Variants in PRMT2 observed in about 807,000 individuals in gnomAD.
PRMT2 encodes the protein protein arginine methyltransferase 2.
A neutral mutation model predicts 57.6 loss-of-function variants in PRMT2; 26 were observed. The observed-to-expected ratio is 0.45, with a 90% confidence interval of 0.33 to 0.63. The LOEUF (loss-of-function observed/expected upper bound fraction) is 0.63, where lower values mean the gene tolerates loss of function less well. Among genes scored for constraint, PRMT2 ranks in the 20% least tolerant of loss-of-function variants. The pLI, the probability that PRMT2 is intolerant of heterozygous loss-of-function variation, is 0.02. For synonymous variants in PRMT2, 219 were observed against 220.0 expected, an observed-to-expected ratio of 1.00 and a Z score of 0.04; for missense variants, 472 against 564.4, an observed-to-expected ratio of 0.84 and a Z score of 1.66.
intron 7 of PRMT2, chr21:46,651,790 C>T: frequency 6.2e-7 from 1 of 1,612,754 alleles, no homozygotes; most frequent in South Asian, 1.1e-5. Context: ...TACCCACCTT[C>T]ACTTTCCGTC....
chr21:46,659,429 A>T (rs1048867807), intron 8 of PRMT2: 2 of 985,632 alleles, frequency 2.0e-6, no homozygotes, highest in African/African-American at 3.5e-5. Flanking sequence ...ACAAGTAATT[A>T]GAGAAATCAC....
At chr21:46,656,917 A>G (rs1394746214) in intron 7 of PRMT2, 2 of 152,242 alleles carry the variant, frequency 1.3e-5, no homozygotes, top group African/African-American at 2.4e-5. Context: ...TGCAAAGAAC[A>G]TATCCAGTGT....
At position 46,648,323 on chromosome 21, in the gene PRMT2, C is replaced by T. The variant is rs1315509724; in HGVS notation, c.328-135C>T. 7 of 838,706 alleles carry T rather than the reference C, an allele frequency of 8.3e-6. No individual in the cohort carries two copies. In the African/African-American group the frequency reaches 8.5e-5, roughly 10 times the overall value. The allele number at this position is 838,706 out of a possible 1,614,324, so 52.0% of individuals were successfully genotyped here. On this transcript the variant is annotated intron_variant, in intron 5 of 11. Coordinates refer to ENST00000355680, the MANE Select transcript of PRMT2 (RefSeq NM_206962.4). The surrounding 1 kb of genome is among the most constrained non-coding windows in gnomAD (Gnocchi z 4.8). ...AGATTAACTTGGTTGACAGTGATGT[C>T]CAGGCCTTCCATAGTCTTCCATAGG...
At chr21:46,655,859 G>C (rs1422383983) in intron 7 of PRMT2, among the ~76,000 whole-genome samples, 2 of 152,148 alleles carry the variant, frequency 1.3e-5, no homozygotes, top group Non-Finnish European at 2.9e-5. Context: ...AAAGACGTAT[G>C]TTCTTTTTAA....
Position 46,649,983 on chromosome 21 carries a change from A to C in PRMT2, c.654+244A>C. 7.0e-7 allele frequency: 1 copy of C among 1,428,104 alleles called. No individual in the cohort carries two copies. The highest frequency in any genetic ancestry group is 9.2e-7 in the Non-Finnish European group (1 of 1,088,302). 88.5% of individuals were successfully genotyped at this position (1,428,104 alleles called of 1,614,324 possible). A position where few individuals can be genotyped will look rare whatever the true frequency, so the allele number is the denominator to read the frequency against. On this transcript the variant is annotated intron_variant, in intron 7 of 11. Coordinates refer to ENST00000355680, the MANE Select transcript of PRMT2 (RefSeq NM_206962.4). The surrounding 1 kb of genome is among the most constrained non-coding windows in gnomAD (Gnocchi z 4.8). ...CATGTAACATTTTCATGAGTGATTTACATGAACTGTGTTCTCCTCGGGGAT... is the reference window on the plus strand; with the variant it reads ...CATGTAACATTTTCATGAGTGATTTCCATGAACTGTGTTCTCCTCGGGGAT...
intron 10 of PRMT2, 147 bp from the exon 11 acceptor site, chr21:46,663,236 T>C (rs1215088275): frequency 1.4e-6 from 1 of 699,170 alleles, no homozygotes; most frequent in Non-Finnish European, 2.3e-6. Flanking sequence ...AAGCCAAGCT[T>C]TGTGTCCCCA....
At chr21:46,652,151 C>G in intron 7 of PRMT2, 1 of 1,440,728 alleles carries the variant, frequency 6.9e-7, no homozygotes, top group Non-Finnish European at 9.1e-7. Context: ...AGAGGCCCTT[C>G]TTCACACCAT....
At chr21:46,653,245 A>G in intron 7 of PRMT2, 2 of 985,360 alleles carry the variant, frequency 2.0e-6, no homozygotes, top group Non-Finnish European at 2.4e-6. Flanking sequence ...GTACTGTTTT[A>G]TTGACTGTAT....
At chr21:46,651,544 AG>A (rs1238559420) in intron 7 of PRMT2, among the ~76,000 whole-genome samples, 1 of 151,876 alleles carries the variant, frequency 6.6e-6, no homozygotes, top group East Asian at 1.9e-4. Context: ...GGTTTTCTCC[AG>A]TGCAGGCAGT....
At chr21:46,637,295 A>C (rs958729129) in intron 3 of PRMT2, among the ~76,000 whole-genome samples, 1 of 152,244 alleles carries the variant, frequency 6.6e-6, no homozygotes, top group African/African-American at 2.4e-5. Context: ...CTGTTCAATA[A>C]AATTTCAGGC....
At chr21:46,636,681 C>A in intron 2 of PRMT2, 134 bp downstream of exon 2, 1 of 463,328 alleles carries the variant, frequency 2.2e-6, no homozygotes, top group Non-Finnish European at 3.8e-6. Context: ...TAACACCTTG[C>A]AGACTAGTGA....
Position 46,664,861 on chromosome 21 carries a change from G to T in PRMT2, c.*534G>T. The T allele has an allele frequency of 6.1e-6, 1 of 164,376 alleles. No individual in the cohort carries two copies. 10.2% of individuals were successfully genotyped at this position (164,376 alleles called of 1,614,324 possible). A position where few individuals can be genotyped will look rare whatever the true frequency, so the allele number is the denominator to read the frequency against. On this transcript the variant is annotated 3_prime_UTR_variant, in exon 12 of 12. Transcript: ENST00000355680. ...GATGTATGCGATGGGACTCTGCATG[G>T]GATAGTACAGTTGTGTAGACGTCTT...
rs377648947 is a variant in PRMT2 at position 46,643,501 on chromosome 21, G to T, written c.40-34G>T. 131 of 1,433,670 alleles carry T rather than the reference G, an allele frequency of 9.1e-5. No homozygotes were observed. In the African/African-American group the frequency reaches 1.8e-3, roughly 20 times the overall value. The allele number at this position is 1,433,670 out of a possible 1,614,324, so 88.8% of individuals were successfully genotyped here. A position where few individuals can be genotyped will look rare whatever the true frequency, so the allele number is the denominator to read the frequency against. ...AAAAAAAAAAAAAAAAAGCTCCAGC[G>T]TCCTCTCCTCACGCTTTCCTTGGCT... On this transcript the variant is annotated intron_variant, in intron 3 of 11. Coordinates refer to ENST00000355680, the MANE Select transcript of PRMT2 (RefSeq NM_206962.4).
chr21:46,644,759 T>A (rs888009709), intron 5 of PRMT2, among the ~76,000 whole-genome samples: 1 of 152,128 alleles, frequency 6.6e-6, no homozygotes, highest in African/African-American at 2.4e-5. Flanking sequence ...TCTTTTGATT[T>A]AAAAAAATCA....
intron 7 of PRMT2, chr21:46,652,480 C>A (rs1290028159): frequency 1.0e-6 from 1 of 985,250 alleles, no homozygotes; most frequent in Non-Finnish European, 1.2e-6. Flanking sequence ...CAGAGAAATG[C>A]CAGAGGCCAG....
rs753312564 is a variant in PRMT2 at position 46,661,013 on chromosome 21, A to G, written c.960+51A>G. The stretch of plus-strand genomic sequence containing the variant: ...ACATTCGATAATCAGTGACCACGAA[A>G]CACTCAGACCAGAGCCTGGCTTATC... On this transcript the variant is annotated intron_variant, in intron 9 of 11. Transcript: ENST00000355680. The G allele has an allele frequency of 1.8e-4, 276 of 1,574,162 alleles. 1 individual carries two copies. Among genetic ancestry groups the G allele is most frequent in the Non-Finnish European group, 2.3e-4 (263 of 1,153,526 alleles).
intron 7 of PRMT2, among the ~76,000 whole-genome samples, chr21:46,650,384 G>A (rs547485772): frequency 1.5e-4 from 23 of 152,304 alleles, no homozygotes; most frequent in African/African-American, 5.3e-4. Context: ...GACCCAGAAA[G>A]ATGGGGTCTG....
intron 7 of PRMT2, chr21:46,657,188 C>T (rs1462831635): frequency 1.3e-5 from 2 of 152,080 alleles, no homozygotes; most frequent in Non-Finnish European, 2.9e-5. Context: ...TGAGGAACAG[C>T]TGAAAGTCAT....
At position 46,660,941 on chromosome 21, in the gene PRMT2, C is replaced by A. The variant is rs376719955; in HGVS notation, c.939C>A (p.Thr313=). Residue 313 remains threonine, a synonymous_variant, in exon 9 of 12, where the codon ACC becomes ACA. Coordinates refer to ENST00000355680, the MANE Select transcript of PRMT2 (RefSeq NM_206962.4). ...PCTILQLDMR[T]VQISDLETLR... is the part of the protein sequence containing the mutation. ...CTATATTGCAGTTGGACATGAGAAC[C>A]GTGCAAATTTCTGATCTAGAGGTGA... The A allele has an allele frequency of 6.2e-7, 1 of 1,612,780 alleles. No homozygotes were observed. Among genetic ancestry groups the A allele is most frequent in the South Asian group, 1.1e-5 (1 of 90,936 alleles).
Sources: allele counts gnomAD v4.1 joint callset (sites outside exome capture counted in the v4.1 genomes callset), GRCh38; gene constraint gnomAD v4.1.1; non-coding constraint Gnocchi (gnomAD v3.1); transcripts MANE v1.5; gene names NCBI Gene and HGNC (gene_info 2026-07-23, HGNC 2026-07-21).